The following CNTNAP4 variants were observed in gnomAD, a reference collection of about 807,000 sequenced individuals.
CNTNAP4 encodes contactin associated protein family member 4.
In CNTNAP4, 98 loss-of-function variants were observed where a neutral mutation model predicts 148.4. That is an observed-to-expected ratio of 0.66 (90% confidence interval 0.56 to 0.78). CNTNAP4 has a LOEUF of 0.78. Among genes scored for constraint, CNTNAP4 ranks in the 30% least tolerant of loss-of-function variants. The pLI is 0.00. For missense variants in CNTNAP4, 1,935 were observed against 1,565.6 expected (o/e 1.24, Z -3.98); for synonymous variants, 730 against 565.1 (o/e 1.29, Z -4.14).
chr16:76,555,185 T>G (rs1265102310), intron 23 of CNTNAP4, among the ~76,000 whole-genome samples: 1 of 152,160 alleles, frequency 6.6e-6, no homozygotes, highest in East Asian at 1.9e-4. Context: ...TATATTGCTT[T>G]CAAGTAGTTA....
chr16:76,347,165 G>GTA (rs1567796257), intron 2 of CNTNAP4, among the ~76,000 whole-genome samples: 1 of 149,814 alleles, frequency 6.7e-6, no homozygotes, highest in Non-Finnish European at 1.5e-5. Flanking sequence ...GTGTGTGTGT[G>GTA]TATCTCAGTT....
chr16:76,318,593 A>T (rs1031868457), intron 2 of CNTNAP4, among the ~76,000 whole-genome samples: 15 of 151,606 alleles, frequency 9.9e-5, no homozygotes, highest in African/African-American at 3.4e-4. Flanking sequence ...CCTGTTAATT[A>T]CATGAAGTTT....
At chr16:76,405,925 C>T (rs1044069484) in intron 3 of CNTNAP4, among the ~76,000 whole-genome samples, 5 of 151,848 alleles carry the variant, frequency 3.3e-5, no homozygotes, top group Admixed American at 2.6e-4. Flanking sequence ...CATTAGAAGC[C>T]ATTAAGTTGG....
chr16:76,512,196 G>A (rs912588061), intron 15 of CNTNAP4, among the ~76,000 whole-genome samples: 1 of 152,108 alleles, frequency 6.6e-6, no homozygotes, highest in Non-Finnish European at 1.5e-5. Context: ...GGTCAGATCA[G>A]GAAAGATTTT....
At chr16:76,314,485 T>A (rs1567669276) in intron 1 of CNTNAP4, among the ~76,000 whole-genome samples, 1 of 152,146 alleles carries the variant, frequency 6.6e-6, no homozygotes, top group Non-Finnish European at 1.5e-5. Context: ...TTAGAAAAGA[T>A]CATGGGGAGA....
chr16:76,362,812 C>A, intron 3 of CNTNAP4, among the ~76,000 whole-genome samples: 1 of 152,088 alleles, frequency 6.6e-6, no homozygotes, highest in East Asian at 1.9e-4. Flanking sequence ...ATGCTTATTA[C>A]CTAGGTCACA....
intron 23 of CNTNAP4, among the ~76,000 whole-genome samples, chr16:76,554,677 G>A (rs936265752): frequency 1.5e-4 from 23 of 151,756 alleles, no homozygotes; most frequent in Admixed American, 2.6e-4. Flanking sequence ...AATATGATAC[G>A]GATATAGAAA....
intron 3 of CNTNAP4, among the ~76,000 whole-genome samples, chr16:76,409,576 C>G (rs556537109): frequency 2.7e-4 from 41 of 151,982 alleles, no homozygotes; most frequent in African/African-American, 9.6e-4. Context: ...TATGCAAAGG[C>G]AAACTAGTTA....
intron 4 of CNTNAP4, among the ~76,000 whole-genome samples, chr16:76,428,382 C>G (rs2079487843): frequency 6.6e-6 from 1 of 151,032 alleles, no homozygotes; most frequent in East Asian, 1.9e-4. Flanking sequence ...ATGAAATAAT[C>G]TGGAAGAGAA....
At chr16:76,519,183 C>T (rs915242148) in intron 15 of CNTNAP4, among the ~76,000 whole-genome samples, 2 of 152,136 alleles carry the variant, frequency 1.3e-5, no homozygotes, top group African/African-American at 4.8e-5. Context: ...TTCCTTACCT[C>T]ATTTTCTACC....
chr16:76,535,822 T>A, intron 18 of CNTNAP4, 38 bp downstream of exon 18: 6 of 1,578,978 alleles, frequency 3.8e-6, no homozygotes, highest in Non-Finnish European at 5.2e-6. Flanking sequence ...GGAAAATTTA[T>A]TCAATGTGGA....
At chr16:76,306,950 G>A (rs527926763) in intron 1 of CNTNAP4, among the ~76,000 whole-genome samples, 46 of 152,278 alleles carry the variant, frequency 3.0e-4, no homozygotes, top group South Asian at 2.7e-3. Context: ...ACCAGAGCAA[G>A]AATTTGAGGA....
intron 2 of CNTNAP4, among the ~76,000 whole-genome samples, chr16:76,324,151 C>T (rs577729588): frequency 6.6e-6 from 1 of 152,272 alleles, no homozygotes; most frequent in South Asian, 2.1e-4. Flanking sequence ...AACAAGATGA[C>T]ACAGGATGCT....
intron 2 of CNTNAP4, among the ~76,000 whole-genome samples, chr16:76,342,465 CTTTTTTTTTTTTTTTTT>C (rs397854943): frequency 1.1e-5 from 1 of 91,490 alleles, no homozygotes; most frequent in African/African-American, 5.1e-5. Context: ...TTGCTAATTT[CTTTTTTTTTTTTTTTTT>C]TTTTTTTTGA....
intron 3 of CNTNAP4, among the ~76,000 whole-genome samples, chr16:76,407,921 T>G (rs2060031499): frequency 6.6e-6 from 1 of 152,086 alleles, no homozygotes; most frequent in Admixed American, 6.6e-5. Context: ...ACTTCATTGT[T>G]TTTTTAAAAA....
chr16:76,460,773 A>AAAATATATATACATATATATATATAT, intron 8 of CNTNAP4, among the ~76,000 whole-genome samples: 1 of 57,322 alleles, frequency 1.7e-5, no homozygotes, highest in African/African-American at 6.4e-5. Context: ...AAAAAAAAAA[A>AAAATATATATACATATATATATATAT]ATATATATAT....
chr16:76,320,746 T>G (rs927370837), intron 2 of CNTNAP4, among the ~76,000 whole-genome samples: 11 of 152,188 alleles, frequency 7.2e-5, no homozygotes, highest in African/African-American at 2.7e-4. Flanking sequence ...GAATCCAGAA[T>G]ATGGAGAAAC....
intron 3 of CNTNAP4, among the ~76,000 whole-genome samples, chr16:76,358,863 T>A (rs1281843937): frequency 6.6e-6 from 1 of 151,982 alleles, no homozygotes; most frequent in Non-Finnish European, 1.5e-5. Context: ...TATATATATG[T>A]ATGTGTATAT....
intron 1 of CNTNAP4, 86 bp downstream of exon 1, chr16:76,277,833 G>T: frequency 1.2e-6 from 1 of 847,558 alleles, no homozygotes. Context: ...ATTATTTGCA[G>T]CTGGGATTGC....
Sources: allele counts gnomAD v4.1 joint callset (sites outside exome capture counted in the v4.1 genomes callset), GRCh38; gene constraint gnomAD v4.1.1; transcripts MANE v1.5; gene names NCBI Gene and HGNC (gene_info 2026-07-23, HGNC 2026-07-21).